Variants in BTRC observed in about 807,000 individuals in gnomAD.
BTRC encodes the protein F-box/WD repeat-containing protein 1A.
A neutral mutation model predicts 85.5 loss-of-function variants in BTRC; 42 were observed. That is an observed-to-expected ratio of 0.49 (90% CI 0.38 to 0.64). The LOEUF (loss-of-function observed/expected upper bound fraction) is 0.64. Ranked by LOEUF, BTRC falls within the 30% of genes least tolerant of loss-of-function variation. BTRC has a pLI of 0.00. For missense variants in BTRC, 594 were observed against 743.5 expected (o/e 0.80, Z 2.34); for synonymous variants, 255 against 263.3 (o/e 0.97, Z 0.30).
In BTRC at chr10:101,534,656, T is replaced by C; in HGVS notation, c.1098-5T>C. The C allele has an allele frequency of 6.2e-7, 1 of 1,614,114 alleles. No homozygotes were observed. Among genetic ancestry groups the C allele is most frequent in the Non-Finnish European group, 8.5e-7 (1 of 1,180,012 alleles). On this transcript the variant is annotated splice_polypyrimidine_tract_variant and splice_region_variant and intron_variant, in intron 9 of 14. Transcript: ENST00000370187. Reference sequence around the variant, plus strand: ...TACCATCTAAATCTCATCTATCACTTCCAGAGTGTGGGATGTAAATACAGG... The same window carrying C: ...TACCATCTAAATCTCATCTATCACTCCCAGAGTGTGGGATGTAAATACAGG...
chr10:101,504,865 C>T (rs1488939797), intron 4 of BTRC, among the ~76,000 whole-genome samples: 1 of 151,732 alleles, frequency 6.6e-6, no homozygotes, highest in Non-Finnish European at 1.5e-5. Context: ...ATATTATGAA[C>T]AAAGAATTCT....
At chr10:101,457,284 A>T (rs1216121630) in intron 2 of BTRC, among the ~76,000 whole-genome samples, 2 of 152,248 alleles carry the variant, frequency 1.3e-5, no homozygotes, top group Middle Eastern at 3.4e-3. Context: ...GTTACTACTG[A>T]CCCTTTGACA....
Position 101,526,080 on chromosome 10 carries a change from T to C in BTRC, c.624T>C (p.Ala208=), listed in dbSNP as rs760129765. 6.2e-7 allele frequency: 1 copy of C among 1,614,228 alleles called. No homozygotes were observed. The highest frequency in any genetic ancestry group is 8.5e-7 in the Non-Finnish European group (1 of 1,180,048). ...SYLDAKSLCA[A]ELVCKEWYRV... is the part of the protein sequence containing the mutation. ...TGGATGCCAAATCACTATGTGCTGC[T>C]GAACTTGTGTGCAAGGAATGGTACC... The change falls in exon 6 of 15, where the codon GCT becomes GCC. Residue 208 remains alanine, a synonymous_variant. Coordinates refer to ENST00000370187, the MANE Select transcript of BTRC (RefSeq NM_033637.4).
At chr10:101,399,612 A>C (rs1317440158) in intron 1 of BTRC, among the ~76,000 whole-genome samples, 1 of 152,196 alleles carries the variant, frequency 6.6e-6, no homozygotes, top group Non-Finnish European at 1.5e-5. Flanking sequence ...TCCTAACAGA[A>C]GTTTTTAAAG....
At chr10:101,427,412 A>G (rs1305860962) in intron 1 of BTRC, among the ~76,000 whole-genome samples, 2 of 149,634 alleles carry the variant, frequency 1.3e-5, no homozygotes, top group Non-Finnish European at 3.0e-5. Flanking sequence ...CACCGTGCCC[A>G]GCCTGTGTAC....
chr10:101,411,840 A>G (rs150308766), intron 1 of BTRC, among the ~76,000 whole-genome samples: 64 of 152,176 alleles, frequency 4.2e-4, no homozygotes, highest in African/African-American at 1.5e-3. Context: ...GAATATTTGT[A>G]TTTTAAAAAT....
chr10:101,508,088 A>G (rs757045528), intron 4 of BTRC, among the ~76,000 whole-genome samples: 4 of 152,204 alleles, frequency 2.6e-5, no homozygotes, highest in Non-Finnish European at 5.9e-5. Context: ...TTAAATGACT[A>G]TCCTGTCCCT....
At chr10:101,542,154 T>C in intron 13 of BTRC, among the ~76,000 whole-genome samples, 1 of 152,338 alleles carries the variant, frequency 6.6e-6, no homozygotes, top group African/African-American at 2.4e-5. Flanking sequence ...ACTTTTGTCT[T>C]CCAAGCAGTT....
At chr10:101,385,380 A>AG (rs1191327819) in intron 1 of BTRC, among the ~76,000 whole-genome samples, 12 of 150,412 alleles carry the variant, frequency 8.0e-5, no homozygotes, top group Admixed American at 7.3e-4. Context: ...AAAAAAAAAA[A>AG]AAAAGAAAAG....
chr10:101,368,779 G>A (rs1335794286), intron 1 of BTRC, among the ~76,000 whole-genome samples: 1 of 152,102 alleles, frequency 6.6e-6, no homozygotes, highest in Non-Finnish European at 1.5e-5. Context: ...AGCACTTTGG[G>A]AGGCTGGGGC....
intron 1 of BTRC, among the ~76,000 whole-genome samples, chr10:101,400,116 C>T (rs549170354): frequency 3.9e-5 from 6 of 152,092 alleles, no homozygotes; most frequent in African/African-American, 1.4e-4. Flanking sequence ...TTGTTACTTA[C>T]CAGGGAACAT....
intron 1 of BTRC, among the ~76,000 whole-genome samples, chr10:101,415,244 C>G (rs965517801): frequency 6.6e-6 from 1 of 150,732 alleles, no homozygotes; most frequent in Non-Finnish European, 1.5e-5. Context: ...GGTGAGATCT[C>G]GGCTTACTTC....
chr10:101,552,461 T>C (rs1381869108), intron 14 of BTRC, among the ~76,000 whole-genome samples: 1 of 151,764 alleles, frequency 6.6e-6, no homozygotes, highest in Non-Finnish European at 1.5e-5. Flanking sequence ...CCAAAGTTAC[T>C]GGGATTACAG....
intron 6 of BTRC, among the ~76,000 whole-genome samples, chr10:101,528,802 A>G (rs1413193127): frequency 6.6e-6 from 1 of 152,182 alleles, no homozygotes; most frequent in Non-Finnish European, 1.5e-5. Context: ...ACTTTTCCCC[A>G]TATGCTAGCT....
chr10:101,362,204 G>A (rs1942229084), intron 1 of BTRC, among the ~76,000 whole-genome samples: 2 of 152,142 alleles, frequency 1.3e-5, no homozygotes, highest in Non-Finnish European at 1.5e-5. Context: ...TGATTCGCCC[G>A]CCTTGGCCTC....
At chr10:101,507,121 TCTTA>T (rs1946562352) in intron 4 of BTRC, among the ~76,000 whole-genome samples, 1 of 152,256 alleles carries the variant, frequency 6.6e-6, no homozygotes, top group African/African-American at 2.4e-5. Context: ...TTTTTTCTTC[TCTTA>T]CTTCCCCAAG....
chr10:101,495,763 T>C (rs1020693806), intron 4 of BTRC, among the ~76,000 whole-genome samples: 19 of 152,218 alleles, frequency 1.2e-4, no homozygotes, highest in African/African-American at 4.3e-4. Flanking sequence ...TCATAGTGAA[T>C]TTTCACGAAG....
At chr10:101,532,911 C>T in intron 8 of BTRC, 41 bp from the exon 9 acceptor site, 2 of 1,463,472 alleles carry the variant, frequency 1.4e-6, no homozygotes, top group Non-Finnish European at 1.9e-6. Context: ...CACAGCACCC[C>T]ATCATCACAT....
chr10:101,488,000 G>A (rs888844163), intron 4 of BTRC, among the ~76,000 whole-genome samples: 2 of 152,118 alleles, frequency 1.3e-5, no homozygotes, highest in African/African-American at 2.4e-5. Flanking sequence ...TCTATAGACT[G>A]TAATTCTATC....
Sources: allele counts gnomAD v4.1 joint callset (sites outside exome capture counted in the v4.1 genomes callset), GRCh38; gene constraint gnomAD v4.1.1; transcripts MANE v1.5; gene names NCBI Gene and HGNC (gene_info 2026-07-23, HGNC 2026-07-21).